The following IGSF5 variants were observed in gnomAD, a reference collection of about 807,000 sequenced individuals.
The protein encoded by IGSF5 is immunoglobulin superfamily member 5, also known as immunoglobulin superfamily 5 like.
A neutral mutation model predicts 39.4 loss-of-function variants in IGSF5; 41 were observed. The observed-to-expected ratio is 1.04, with a 90% CI of 0.81 to 1.35. IGSF5 has a LOEUF of 1.35. IGSF5 is among the 40% of genes most tolerant of loss of function. IGSF5 has a pLI of 0.00. For missense variants in IGSF5, 487 were observed against 494.6 expected, an observed-to-expected ratio of 0.98 and a Z score of 0.15; for synonymous variants, 183 against 175.3, an observed-to-expected ratio of 1.04 and a Z score of -0.34.
At chr21:39,744,931 C>T (rs112207700), upstream of IGSF5, among the ~76,000 whole-genome samples, 17,878 of 152,264 alleles carry the variant, frequency 0.12, 1,094 homozygotes, top group Middle Eastern at 0.19. Flanking sequence ...TCAGTGCTTT[C>T]GGGCTACGCC....
At chr21:39,793,287 C>T (rs944772203) in intron 7 of IGSF5, among the ~76,000 whole-genome samples, 3 of 152,040 alleles carry the variant, frequency 2.0e-5, no homozygotes, top group African/African-American at 7.3e-5. Flanking sequence ...CATTTAGTGT[C>T]TGGGTGAAAC....
At chr21:39,715,103 C>A in the IGSF5 span, among the ~76,000 whole-genome samples, 3 of 151,466 alleles carry the variant, frequency 2.0e-5, no homozygotes, top group Non-Finnish European at 4.4e-5. Flanking sequence ...CCCTTCCCTT[C>A]TCTTCCTTTC....
At chr21:39,748,863 G>C (rs1349410190) in intron 2 of IGSF5, among the ~76,000 whole-genome samples, 1 of 152,136 alleles carries the variant, frequency 6.6e-6, no homozygotes, top group African/African-American at 2.4e-5. Context: ...AGCACTCACT[G>C]AATTGTGACG....
intron 2 of IGSF5, among the ~76,000 whole-genome samples, chr21:39,758,396 T>A (rs543416898): frequency 3.9e-4 from 60 of 152,350 alleles, no homozygotes; most frequent in African/African-American, 1.3e-3. Flanking sequence ...ATTAGGTTCC[T>A]TCCCACAAGT....
At chr21:39,757,722 G>A (rs1446500402) in intron 2 of IGSF5, among the ~76,000 whole-genome samples, 3 of 151,928 alleles carry the variant, frequency 2.0e-5, no homozygotes, top group African/African-American at 7.3e-5. Flanking sequence ...GATTACAGGT[G>A]CATACCACCA....
chr21:39,785,498 C>T (rs111305139), intron 5 of IGSF5, among the ~76,000 whole-genome samples: 1,584 of 152,268 alleles, frequency 0.01, 35 homozygotes, highest in African/African-American at 0.037. Flanking sequence ...TGTGATGCCT[C>T]CACCTTTGTT....
At chr21:39,793,431 G>A in intron 7 of IGSF5, 103 bp from the exon 8 acceptor site, 1 of 820,628 alleles carries the variant, frequency 1.2e-6, no homozygotes, top group Non-Finnish European at 2.1e-6. Flanking sequence ...TATGCCAGCG[G>A]TACTACATAA....
intron 8 of IGSF5, among the ~76,000 whole-genome samples, chr21:39,798,613 C>A (rs563198532): frequency 6.6e-6 from 1 of 152,130 alleles, no homozygotes; most frequent in Admixed American, 6.5e-5. Flanking sequence ...TCAAGGCTGC[C>A]GTGGGTCTCT....
intron 2 of IGSF5, among the ~76,000 whole-genome samples, chr21:39,759,376 GGAGAGGAAGACAAGGTCCCTGCTTGT>G (rs1815124311): frequency 6.6e-6 from 1 of 152,170 alleles, no homozygotes; most frequent in South Asian, 2.1e-4. Flanking sequence ...TTTGTAGAAT[GGAGAGGAAGACAAGGTCCCTGCTTGT>G]GTAGAGCTTA....
At chr21:39,765,912 C>A in intron 3 of IGSF5, 60 bp downstream of exon 3, 1 of 1,492,670 alleles carries the variant, frequency 6.7e-7, no homozygotes, top group Non-Finnish European at 9.2e-7. Flanking sequence ...CAGGAAGGAC[C>A]TTCTAAAGTT....
chr21:39,740,053 T>C, the IGSF5 span, among the ~76,000 whole-genome samples: 5 of 152,156 alleles, frequency 3.3e-5, no homozygotes, highest in East Asian at 1.9e-4. Flanking sequence ...GTAATTTCCA[T>C]TGGTTAGCTG....
At position 39,750,642 on chromosome 21, in the gene IGSF5, T is replaced by C. The variant is rs188731171; in HGVS notation, c.100+4344T>C. Among the ~76,000 whole-genome samples the C allele has an allele frequency of 1.9e-4, 28 of 150,088 alleles. No individual in the cohort carries two copies. The East Asian group carries it at 4.3e-3, about 23-fold the overall frequency. On this transcript the variant is annotated intron_variant, in intron 2 of 8. Coordinates refer to ENST00000380588, the MANE Select transcript of IGSF5 (RefSeq NM_001080444.2). The stretch of plus-strand genomic sequence containing the variant: ...TCTCCTAGCACTTGAGGGTGGGGGG[T>C]TGGAGCTCTGCCCTATCCACCAGTC...
chr21:39,740,564 C>T (rs2079944308), upstream of IGSF5, among the ~76,000 whole-genome samples: 1 of 152,178 alleles, frequency 6.6e-6, no homozygotes, highest in Non-Finnish European at 1.5e-5. Flanking sequence ...GAGGGGATTA[C>T]TTTCAAGTAT....
intron 2 of IGSF5, among the ~76,000 whole-genome samples, chr21:39,763,516 C>A (rs991060435): frequency 6.6e-6 from 1 of 152,190 alleles, no homozygotes; most frequent in African/African-American, 2.4e-5. Flanking sequence ...CGTAGTGACA[C>A]GTGTGGCCTC....
chr21:39,795,167 G>GT (rs2086988325), intron 8 of IGSF5, among the ~76,000 whole-genome samples: 3 of 152,130 alleles, frequency 2.0e-5, no homozygotes, highest in Non-Finnish European at 4.4e-5. Flanking sequence ...GAGAGGTAAT[G>GT]TTTTTTCCAT....
chr21:39,792,847 G>C (rs1008857491), intron 7 of IGSF5, among the ~76,000 whole-genome samples: 1 of 152,116 alleles, frequency 6.6e-6, no homozygotes, highest in African/African-American at 2.4e-5. Context: ...AGAGGGGAAG[G>C]CTGAACCCAC....
intron 3 of IGSF5, among the ~76,000 whole-genome samples, chr21:39,767,986 C>T (rs2080095066): frequency 1.3e-5 from 2 of 152,234 alleles, no homozygotes; most frequent in Admixed American, 1.3e-4. Context: ...ACTTATGACA[C>T]ATCACATTCA....
chr21:39,771,185 G>A lies in IGSF5; in HGVS notation c.688G>A (p.Val230Ile), dbSNP rs773191924. The A allele has an allele frequency of 6.9e-6, 11 of 1,588,226 alleles. No individual in the cohort carries two copies. The Admixed American group carries it at 6.9e-5, about 10-fold the overall frequency. Residue 230 changes from valine (V) to isoleucine (I), a missense_variant, in exon 4 of 9, where the codon GTA (valine) becomes ATA (isoleucine). Val to Ile is a conservative substitution (Grantham distance 29, BLOSUM62 3). Transcript: ENST00000380588. Reference sequence around the variant, plus strand: ...CCTGAAGGCCCGCAAGTCTGCAACTGTAAATCTCACTGTGATTCGGTGTCC... The same window carrying A: ...CCTGAAGGCCCGCAAGTCTGCAACTATAAATCTCACTGTGATTCGGTGTCC... ...KSLKARKSAT[V>I]NLTVIRCPQD... is the part of the protein sequence containing the mutation.
intron 2 of IGSF5, among the ~76,000 whole-genome samples, chr21:39,750,505 C>G (rs1234608356): frequency 1.2e-5 from 1 of 82,378 alleles, no homozygotes; most frequent in Admixed American, 1.6e-4. Flanking sequence ...AAGACACTGT[C>G]TCCAGAAAAA....
Sources: allele counts gnomAD v4.1 joint callset (sites outside exome capture counted in the v4.1 genomes callset), GRCh38; gene constraint gnomAD v4.1.1; transcripts MANE v1.5; gene names NCBI Gene and HGNC (gene_info 2026-07-23, HGNC 2026-07-21).